Variants in SLC1A7 observed in about 807,000 individuals in gnomAD.
SLC1A7 encodes solute carrier family 1 member 7.
In SLC1A7, 40 loss-of-function variants were observed where a neutral mutation model predicts 47.7. The observed-to-expected ratio is 0.84, with a 90% CI of 0.65 to 1.09. The LOEUF is 1.09. Ranked by LOEUF, SLC1A7 falls within the 50% of genes least tolerant of loss-of-function variation. The pLI is 0.00. For missense variants in SLC1A7, 746 were observed against 769.5 expected (o/e 0.97, Z 0.36); for synonymous variants, 323 against 325.6 (o/e 0.99, Z 0.09).
At chr1:53,094,297 G>A (rs1644459070) in intron 5 of SLC1A7, among the ~76,000 whole-genome samples, 1 of 152,174 alleles carries the variant, frequency 6.6e-6, no homozygotes, top group South Asian at 2.1e-4. Flanking sequence ...CGGCATTCTA[G>A]GCCTTCCTCC....
At chr1:53,138,687 A>G (rs1250054679) in intron 1 of SLC1A7, among the ~76,000 whole-genome samples, 1 of 152,072 alleles carries the variant, frequency 6.6e-6, no homozygotes, top group Non-Finnish European at 1.5e-5. Flanking sequence ...ATATTAATAT[A>G]TAATATTTGT....
chr1:53,135,037 G>A (rs910385230), intron 1 of SLC1A7, among the ~76,000 whole-genome samples: 2 of 152,102 alleles, frequency 1.3e-5, no homozygotes, highest in African/African-American at 2.4e-5. Flanking sequence ...CTGCCTCACA[G>A]GGTCATTGGG....
intron 2 of SLC1A7, chr1:53,115,550 T>A: frequency 6.4e-6 from 1 of 157,220 alleles, no homozygotes; most frequent in Non-Finnish European, 1.4e-5. Flanking sequence ...CGCAGGCGGT[T>A]CCTGCGGGCT....
chr1:53,129,123 G>C (rs1185135953), intron 2 of SLC1A7, among the ~76,000 whole-genome samples: 2 of 136,882 alleles, frequency 1.5e-5, no homozygotes, highest in African/African-American at 5.5e-5. Context: ...AGATTGCAGT[G>C]AGCTGAGATC....
intron 5 of SLC1A7, among the ~76,000 whole-genome samples, chr1:53,098,375 G>A (rs949196280): frequency 3.7e-5 from 5 of 135,346 alleles, no homozygotes; most frequent in Admixed American, 2.2e-4. Flanking sequence ...ACACACATAC[G>A]GTCACACCAC....
intron 5 of SLC1A7, 118 bp from the exon 6 acceptor site, chr1:53,093,678 CCA>C (rs1644452220): frequency 5.8e-6 from 4 of 692,502 alleles, no homozygotes; most frequent in Non-Finnish European, 9.8e-6. Context: ...CCCACTCCCC[CCA>C]CTCTCTCTCT....
intron 7 of SLC1A7, among the ~76,000 whole-genome samples, chr1:53,091,263 C>T (rs1644418572): frequency 6.6e-6 from 1 of 152,250 alleles, no homozygotes; most frequent in African/African-American, 2.4e-5. Context: ...CCCATTGTAC[C>T]CACTCAGTCA....
intron 2 of SLC1A7, among the ~76,000 whole-genome samples, chr1:53,127,119 T>A (rs1355751512): frequency 1.7e-5 from 2 of 117,018 alleles, no homozygotes; most frequent in Non-Finnish European, 3.3e-5. Flanking sequence ...TATGAAAACA[T>A]CTTTAAAGTT....
intron 1 of SLC1A7, among the ~76,000 whole-genome samples, chr1:53,134,933 C>G (rs1478452719): frequency 4.9e-5 from 7 of 142,850 alleles, no homozygotes. Context: ...TGTGGTCTCT[C>G]TTAAAATATC....
chr1:53,092,709 C>A lies in SLC1A7; in HGVS notation c.876G>T (p.Lys292Asn). The change falls in exon 7 of 11, where the codon AAG becomes AAT. Residue 292 changes from lysine (K) to asparagine (N), a missense_variant. Coordinates refer to ENST00000371494, the MANE Select transcript of SLC1A7 (RefSeq NM_006671.6). ...EMDDPRAVGKKLGFYSVTVVC... is the reference protein window; with the variant it reads ...EMDDPRAVGKNLGFYSVTVVC... ...CCACGGTGACTGAGTAGAAGCCCAG[C>A]TTCTTGCCGACGGCCCTGGGGTCGT... 5 of 1,614,158 alleles carry A rather than the reference C, an allele frequency of 3.1e-6. No homozygotes were observed. The highest frequency in any genetic ancestry group is 4.2e-6 in the Non-Finnish European group (5 of 1,180,018).
At chr1:53,124,445 A>C (rs965977854) in intron 2 of SLC1A7, among the ~76,000 whole-genome samples, 38 of 152,164 alleles carry the variant, frequency 2.5e-4, no homozygotes, top group African/African-American at 7.7e-4. Context: ...CTGAAGAATG[A>C]GGGGAGAGAA....
chr1:53,110,218 G>T (rs1247182035), intron 3 of SLC1A7, among the ~76,000 whole-genome samples: 1 of 152,166 alleles, frequency 6.6e-6, no homozygotes, highest in Non-Finnish European at 1.5e-5. Flanking sequence ...AAATCACTGG[G>T]GAAACTGAGG....
intron 7 of SLC1A7, among the ~76,000 whole-genome samples, chr1:53,091,944 T>C (rs1490303094): frequency 2.6e-5 from 4 of 152,210 alleles, no homozygotes; most frequent in Non-Finnish European, 4.4e-5. Context: ...GGGCTGAGGT[T>C]TGGGATCCTT....
At chr1:53,108,544 G>A (rs1000166233) in intron 3 of SLC1A7, 1 of 717,660 alleles carries the variant, frequency 1.4e-6, no homozygotes, top group Admixed American at 2.0e-5. Context: ...GTGAGTGGAA[G>A]TCGTTGGGTG....
At chr1:53,133,037 T>C (rs893646079) in intron 2 of SLC1A7, among the ~76,000 whole-genome samples, 11 of 151,552 alleles carry the variant, frequency 7.3e-5, no homozygotes, top group African/African-American at 2.7e-4. Flanking sequence ...CATTTGGAGG[T>C]TGAGTAGAAG....
At chr1:53,141,841 C>T (rs1008566473) in intron 1 of SLC1A7, among the ~76,000 whole-genome samples, 10 of 152,162 alleles carry the variant, frequency 6.6e-5, no homozygotes, top group African/African-American at 1.9e-4. Context: ...TCATGGTTGC[C>T]GCAAGCCCAC....
At chr1:53,125,298 A>T (rs1403971365) in intron 2 of SLC1A7, among the ~76,000 whole-genome samples, 1 of 152,218 alleles carries the variant, frequency 6.6e-6, no homozygotes, top group African/African-American at 2.4e-5. Context: ...AGGCAATTTT[A>T]TTTTGCAAAG....
chr1:53,141,638 G>A (rs1414305973), intron 1 of SLC1A7, among the ~76,000 whole-genome samples: 10 of 133,448 alleles, frequency 7.5e-5, no homozygotes, highest in African/African-American at 1.7e-4. Flanking sequence ...ACATCCAATC[G>A]GCCCCCACAT....
chr1:53,103,529 C>T lies in SLC1A7; in HGVS notation c.514G>A (p.Val172Met). The T allele has an allele frequency of 2.5e-6, 4 of 1,609,170 alleles. No homozygotes were observed. Among genetic ancestry groups the T allele is most frequent in the Non-Finnish European group, 3.4e-6 (4 of 1,177,390 alleles). ...CGAGGAGGGGCCTCCTCTGGTGCCACCTTGGGGGACTTGACAACTGGGGTG... is the reference window on the plus strand; with the variant it reads ...CGAGGAGGGGCCTCCTCTGGTGCCATCTTGGGGGACTTGACAACTGGGGTG... ...KTTPVVKSPK[V>M]APEEAPPRRI... Residue 172 changes from valine to methionine, a missense_variant, in exon 5 of 11, where the codon GTG (valine) becomes ATG (methionine). By Grantham distance (21) the Val-to-Met change is conservative (BLOSUM62 1). Coordinates refer to ENST00000371494, the MANE Select transcript of SLC1A7 (RefSeq NM_006671.6).
Sources: gnomAD v4.1 joint callset for allele counts (sites outside exome capture counted in the v4.1 genomes callset) on GRCh38, gnomAD v4.1.1 for gene constraint, MANE v1.5 for transcripts, NCBI Gene and HGNC (gene_info 2026-07-23, HGNC 2026-07-21) for gene names.